TANGO6: variants seen among roughly 807,000 people sequenced by gnomAD.
TANGO6 encodes the protein transport and Golgi organization protein 6 homolog.
A neutral mutation model predicts 114.2 loss-of-function variants in TANGO6; 90 were observed. The observed-to-expected ratio is 0.79, with a 90% CI of 0.66 to 0.94. TANGO6 has a LOEUF of 0.94. TANGO6 is among the 40% of genes least tolerant of loss of function. The pLI, the probability that TANGO6 is intolerant of heterozygous loss-of-function variation, is 0.00. For synonymous variants in TANGO6, 477 were observed against 509.8 expected (o/e 0.94, Z 0.87); for missense variants, 1,274 against 1,315.3 (o/e 0.97, Z 0.49).
At chr16:68,863,594 GA>G (rs1423512409) in intron 3 of TANGO6, among the ~76,000 whole-genome samples, 12 of 152,116 alleles carry the variant, frequency 7.9e-5, no homozygotes, top group Admixed American at 5.9e-4. Flanking sequence ...TGGGCAACAA[GA>G]GTGAAACTCA....
rs531972576 is a variant in TANGO6, at chr16:68,960,534, G to A, written c.2702-13494G>A. 4.6e-5 allele frequency among the ~76,000 whole-genome samples: 7 copies of A among 151,640 alleles called. No homozygotes were observed. The East Asian group carries it at 7.7e-4, about 17-fold the overall frequency. ...TTTATTTTATTTGAGACAGAGTCTCGCTCTGTCACCCAGGCTGGAGTGCAG... is the reference window on the plus strand; with the variant it reads ...TTTATTTTATTTGAGACAGAGTCTCACTCTGTCACCCAGGCTGGAGTGCAG... On this transcript the variant is annotated intron_variant, in intron 14 of 17. Coordinates refer to ENST00000261778, the MANE Select transcript of TANGO6 (RefSeq NM_024562.2).
intron 14 of TANGO6, among the ~76,000 whole-genome samples, chr16:68,946,533 G>C (rs1169720291): frequency 1.3e-5 from 2 of 151,994 alleles, no homozygotes; most frequent in Admixed American, 1.3e-4. Context: ...TCTCACCCAA[G>C]TTGGTGTGTA....
chr16:68,930,147 G>A (rs555546600), intron 13 of TANGO6, 91 bp from the exon 14 acceptor site: 7 of 1,100,948 alleles, frequency 6.4e-6, no homozygotes, highest in African/African-American at 1.6e-5. Flanking sequence ...AAGAAGCGAA[G>A]CATTTACTCC....
intron 17 of TANGO6, among the ~76,000 whole-genome samples, chr16:69,063,808 C>CTTCTTA (rs56983779): frequency 0.043 from 5,445 of 125,400 alleles, 136 homozygotes; most frequent in Non-Finnish European, 0.052. Flanking sequence ...TCTTCTTCTT[C>CTTCTTA]TTATTATTAT....
intron 15 of TANGO6, among the ~76,000 whole-genome samples, chr16:68,976,005 G>C (rs371526203): frequency 2.6e-5 from 4 of 152,244 alleles, no homozygotes; most frequent in African/African-American, 9.6e-5. Context: ...CACGGTCATG[G>C]CTCACTGCAG....
chr16:69,043,275 A>G (rs1484024080), intron 17 of TANGO6, among the ~76,000 whole-genome samples: 1 of 129,756 alleles, frequency 7.7e-6, no homozygotes, highest in Admixed American at 8.5e-5. Context: ...CGAGCGAGAG[A>G]CAGAGCGAGT....
intron 17 of TANGO6, among the ~76,000 whole-genome samples, chr16:69,082,694 G>A (rs955678630): frequency 4.0e-5 from 6 of 151,886 alleles, no homozygotes; most frequent in African/African-American, 9.7e-5. Flanking sequence ...ACAGTGAGCC[G>A]AGATTGTGCA....
chr16:68,902,266 G>C, intron 8 of TANGO6, 62 bp from the exon 9 acceptor site: 1 of 1,481,650 alleles, frequency 6.7e-7, no homozygotes. Flanking sequence ...CTTTTTTTAT[G>C]TTAGCTTGTT....
At chr16:68,926,562 C>T (rs1452192436) in intron 12 of TANGO6, among the ~76,000 whole-genome samples, 1 of 151,258 alleles carries the variant, frequency 6.6e-6, no homozygotes, top group South Asian at 2.1e-4. Flanking sequence ...GAGTCTCGCT[C>T]TGTTGCCCAA....
At chr16:68,877,621 T>G (rs1182214534) in intron 5 of TANGO6, among the ~76,000 whole-genome samples, 2 of 151,962 alleles carry the variant, frequency 1.3e-5, no homozygotes, top group Non-Finnish European at 2.9e-5. Flanking sequence ...AAAATTTTTT[T>G]TTTTGAGATG....
chr16:69,070,185 G>T lies in TANGO6; in HGVS notation c.3109-13300G>T, dbSNP rs561490413. On this transcript the variant is annotated intron_variant, in intron 17 of 17. Transcript: ENST00000261778. ...ATCGTGCCACTGCACTCCAGCCTCGGCGATAGAGCGAGACTCCTTCTCAAA... is the reference window on the plus strand; with the variant it reads ...ATCGTGCCACTGCACTCCAGCCTCGTCGATAGAGCGAGACTCCTTCTCAAA... 7.7e-4 allele frequency among the ~76,000 whole-genome samples: 117 copies of T among 151,958 alleles called. 1 individual carries two copies. The South Asian group carries it at 0.024, about 31-fold the overall frequency.
chr16:68,882,369 C>G (rs1319696503), intron 7 of TANGO6, among the ~76,000 whole-genome samples: 1 of 151,894 alleles, frequency 6.6e-6, no homozygotes, highest in Admixed American at 6.6e-5. Flanking sequence ...TGGTGGCAGG[C>G]ACCTGTAGTC....
intron 11 of TANGO6, among the ~76,000 whole-genome samples, chr16:68,912,588 C>T (rs1163887366): frequency 6.6e-5 from 10 of 151,334 alleles, no homozygotes; most frequent in Middle Eastern, 3.4e-3. Flanking sequence ...GAGCCGAGAT[C>T]GCACCACTGC....
At chr16:69,008,556 T>G (rs1964116278) in intron 15 of TANGO6, among the ~76,000 whole-genome samples, 1 of 152,154 alleles carries the variant, frequency 6.6e-6, no homozygotes, top group Non-Finnish European at 1.5e-5. Context: ...CTTGTATGTT[T>G]TAAGAGTTTT....
intron 14 of TANGO6, among the ~76,000 whole-genome samples, chr16:68,962,087 T>C (rs956562488): frequency 2.6e-5 from 4 of 152,228 alleles, no homozygotes; most frequent in African/African-American, 9.6e-5. Context: ...ATGCTAGACG[T>C]AATCATTTAC....
chr16:69,078,747 A>C (rs528258111), intron 17 of TANGO6, among the ~76,000 whole-genome samples: 4 of 151,950 alleles, frequency 2.6e-5, no homozygotes, highest in South Asian at 2.1e-4. Context: ...TTTTATTTTT[A>C]TTTTTATTTT....
At chr16:68,876,696 C>T (rs552030857) in intron 5 of TANGO6, among the ~76,000 whole-genome samples, 1 of 152,154 alleles carries the variant, frequency 6.6e-6, no homozygotes, top group Non-Finnish European at 1.5e-5. Flanking sequence ...TGGTGCACAC[C>T]TGTAGTCCTA....
At chr16:69,074,798 CTGTGTGTGTGTGTGTGTGTGTGTG>C (rs60702668) in intron 17 of TANGO6, among the ~76,000 whole-genome samples, 4 of 135,170 alleles carry the variant, frequency 3.0e-5, no homozygotes, top group Non-Finnish European at 4.7e-5. Context: ...GTTCGAATGC[CTGTGTGTGTGTGTGTGTGTGTGTG>C]TGTGTGTGTG....
At chr16:68,950,678 G>A (rs778860280) in intron 14 of TANGO6, among the ~76,000 whole-genome samples, 36 of 151,318 alleles carry the variant, frequency 2.4e-4, no homozygotes, top group Admixed American at 4.0e-4. Context: ...GGCCAACATG[G>A]TGAAACCCCA....
Sources: gnomAD v4.1 joint callset for allele counts (sites outside exome capture counted in the v4.1 genomes callset) on GRCh38, gnomAD v4.1.1 for gene constraint, MANE v1.5 for transcripts, NCBI Gene and HGNC (gene_info 2026-07-23, HGNC 2026-07-21) for gene names.